The following RCVRN variants were observed in gnomAD, a reference collection of about 807,000 sequenced individuals.
The protein encoded by RCVRN is recoverin, also known as cancer associated retinopathy antigen.
In RCVRN, 23 loss-of-function variants were observed where a neutral mutation model predicts 20.4. That is an observed-to-expected ratio of 1.13 (90% CI 0.81 to 1.60). The LOEUF is 1.60. Among genes scored for constraint, RCVRN ranks in the 40% most tolerant of loss-of-function variants. The probability of loss-of-function intolerance (pLI) is 0.00; values close to 1 mark genes in which losing one functional copy is unlikely to be tolerated. For synonymous variants in RCVRN, 105 were observed against 105.9 expected (o/e 0.99, Z 0.05); for missense variants, 254 against 254.2 (o/e 1.00, Z 0.00).
rs200948567 is a variant in RCVRN at position 9,905,149 on chromosome 17, T to C, written c.32A>G (p.Lys11Arg). 4.3e-6 allele frequency: 7 copies of C among 1,610,858 alleles called. No homozygotes were observed. In the Admixed American group the frequency reaches 8.4e-5, roughly 19 times the overall value. ...CAGCTGCAGCTCCTCCAGGATCTCCTTGGACAGGGCCCCACTTTTGCTGTT... is the reference window on the plus strand; with the variant it reads ...CAGCTGCAGCTCCTCCAGGATCTCCCTGGACAGGGCCCCACTTTTGCTGTT... MGNSKSGALS[K>R]EILEELQLNT... The change falls in exon 1 of 3, where the codon AAG (lysine) becomes AGG (arginine). Residue 11 changes from lysine to arginine, a missense_variant. By Grantham distance (26) the Lys-to-Arg change is conservative. Transcript: ENST00000226193.
rs772751321 is a variant in RCVRN, at chr17:9,904,234, T to A, written c.381+566A>T. On this transcript the variant is annotated intron_variant, in intron 1 of 2. Coordinates refer to ENST00000226193, the MANE Select transcript of RCVRN (RefSeq NM_002903.3). The surrounding 1 kb of genome is among the most constrained non-coding windows in gnomAD (Gnocchi z 5.8). ...CCAGCTCTGGGCTACAGAGTGAGAC[T>A]CCATCTCAAAAAAATAAAAAATAAA... Among the ~76,000 whole-genome samples, 1 of 151,916 alleles carries A rather than the reference T, an allele frequency of 6.6e-6. No homozygotes were observed. Among genetic ancestry groups the A allele is most frequent in the Admixed American group, 6.6e-5 (1 of 15,262 alleles).
intron 1 of RCVRN, among the ~76,000 whole-genome samples, chr17:9,901,951 C>G (rs1256572585): frequency 2.0e-5 from 3 of 152,168 alleles, no homozygotes; most frequent in African/African-American, 7.2e-5. Context: ...AATAGCAGAG[C>G]CTTCTGCCAC....
intron 2 of RCVRN, among the ~76,000 whole-genome samples, chr17:9,900,473 T>TCCTTTCTTTCCTAACCTG (rs2067336765): frequency 6.6e-6 from 1 of 151,566 alleles, no homozygotes; most frequent in African/African-American, 2.4e-5. Context: ...TACCTAATCT[T>TCCTTTCTTTCCTAACCTG]CCTTTCTTTC....
At position 9,897,999 on chromosome 17, in the gene RCVRN, T is replaced by TGTGTGTGTGC. The variant is rs376748693; in HGVS notation, c.*95_*96insGCACACACAC. ...TGGGGTGGATGTGTGTGTGTGTGTG[T>TGTGTGTGTGC]GCGCGCGCGTGTGTGTGCATGTGTG... On this transcript the variant is annotated 3_prime_UTR_variant, in exon 3 of 3. Transcript: ENST00000226193. 0.03 allele frequency: 22,019 copies of TGTGTGTGTGC among 727,794 alleles called. 181 individuals carry two copies. The highest frequency in any genetic ancestry group is 0.052 in the Middle Eastern group (187 of 3,610). 45.1% of individuals were successfully genotyped at this position (727,794 alleles called of 1,614,324 possible).
At chr17:9,898,261 T>G in intron 2 of RCVRN, 57 bp from the exon 3 acceptor site, 2 of 1,010,258 alleles carry the variant, frequency 2.0e-6, no homozygotes, top group Non-Finnish European at 3.2e-6. Flanking sequence ...GATAGCCAAG[T>G]GAGCTGCGAT....
intron 2 of RCVRN, among the ~76,000 whole-genome samples, chr17:9,900,225 G>A (rs2067335247): frequency 6.6e-6 from 1 of 152,100 alleles, no homozygotes; most frequent in Non-Finnish European, 1.5e-5. Context: ...TGCAGCCCCA[G>A]CCTAATACCA....
At position 9,897,860 on chromosome 17, in the gene RCVRN, T is replaced by G; in HGVS notation, c.*235A>C. ...ACAGAGGGAGGGGTGGGACCGGGCA[T>G]GATGGGAGGGAATGCTGAAGACCCA... On this transcript the variant is annotated 3_prime_UTR_variant, in exon 3 of 3. Transcript: ENST00000226193. 2.0e-6 allele frequency: 1 copy of G among 503,466 alleles called. No individual in the cohort carries two copies. The allele number at this position is 503,466 out of a possible 1,614,324, so 31.2% of individuals were successfully genotyped here. A position where few individuals can be genotyped will look rare whatever the true frequency, so the allele number is the denominator to read the frequency against.
At chr17:9,901,276 C>T (rs1464624755) in intron 1 of RCVRN, 176 bp from the exon 2 acceptor site, 2 of 433,606 alleles carry the variant, frequency 4.6e-6, no homozygotes, top group Non-Finnish European at 8.2e-6. Context: ...AGCTTCTTGG[C>T]ACTGGTCTTG....
In RCVRN at chr17:9,904,947, G is replaced by A. The variant is rs937401965; in HGVS notation, c.234C>T (p.Asp78=). The change falls in exon 1 of 3, where the codon GAC becomes GAT. Residue 78 remains aspartate, a synonymous_variant. Transcript: ENST00000226193. The surrounding 1 kb of genome is among the most constrained non-coding windows in gnomAD (Gnocchi z 5.8). ...CGTACTCCTTGAAGTCCAGGGTGCC[G>A]TCGAGGTTGGAATCGAAGCTGCGGA... The part of the protein sequence containing the change: ...HVFRSFDSNL[D]GTLDFKEYVI... 7.4e-6 allele frequency: 12 copies of A among 1,614,226 alleles called. No homozygotes were observed. Among genetic ancestry groups the A allele is most frequent in the South Asian group, 3.3e-5 (3 of 91,080 alleles).
At position 9,899,486 on chromosome 17, in the gene RCVRN, T is replaced by C. The variant is rs547579214; in HGVS notation, c.494-1282A>G. 6.8e-4 allele frequency among the ~76,000 whole-genome samples: 104 copies of C among 152,300 alleles called. No individual in the cohort carries two copies. Among genetic ancestry groups the C allele is most frequent in the Non-Finnish European group, 1.3e-3 (90 of 68,024 alleles). ...TCTGACGTCATCCCCTCCCGGGATGTTCACCAGGGAGGTTTTCAGATGAGC... is the reference window on the plus strand; with the variant it reads ...TCTGACGTCATCCCCTCCCGGGATGCTCACCAGGGAGGTTTTCAGATGAGC... On this transcript the variant is annotated intron_variant, in intron 2 of 2. Transcript: ENST00000226193. The surrounding 1 kb of genome is among the most constrained non-coding windows in gnomAD (Gnocchi z 4.6).
At position 9,904,719 on chromosome 17, in the gene RCVRN, T is replaced by A; in HGVS notation, c.381+81A>T. The A allele has an allele frequency of 2.0e-6, 3 of 1,485,050 alleles. No homozygotes were observed. The Admixed American group carries it at 5.4e-5, about 27-fold the overall frequency. 92.0% of individuals were successfully genotyped at this position (1,485,050 alleles called of 1,614,324 possible). Reference sequence around the variant, plus strand: ...CCGCTCCACCCACAGATCCACTCCCTCTGCAGCAGCTGCAGCAGGGGACCC... The same window carrying A: ...CCGCTCCACCCACAGATCCACTCCCACTGCAGCAGCTGCAGCAGGGGACCC... On this transcript the variant is annotated intron_variant, in intron 1 of 2. Transcript: ENST00000226193. The surrounding 1 kb of genome is among the most constrained non-coding windows in gnomAD (Gnocchi z 5.8).
At chr17:9,898,901 C>G (rs9303246) in intron 2 of RCVRN, among the ~76,000 whole-genome samples, 6,812 of 152,200 alleles carry the variant, frequency 0.045, 517 homozygotes, top group African/African-American at 0.15. Flanking sequence ...CCTTGTTGCG[C>G]CCACACCTGG....
At chr17:9,898,652 A>C (rs59578273) in intron 2 of RCVRN, among the ~76,000 whole-genome samples, 74 of 152,328 alleles carry the variant, frequency 4.9e-4, no homozygotes, top group African/African-American at 1.8e-3. Context: ...TCAGGCCCAG[A>C]GTCTCAGCTG....
In RCVRN at chr17:9,904,838, C is replaced by A; in HGVS notation, c.343G>T (p.Gly115Trp). Residue 115 changes from glycine to tryptophan, a missense_variant, in exon 1 of 3, where the codon GGG becomes TGG. Physicochemically the swap from Gly to Trp is radical, Grantham distance 184 (BLOSUM62 -2). Coordinates refer to ENST00000226193, the MANE Select transcript of RCVRN (RefSeq NM_002903.3). This position sits in a 1 kb window ranked among gnomAD's most constrained non-coding sequence, Gnocchi z 5.8. ...AFSLYDVDGNGTISKNEVLEI... is the reference protein window; with the variant it reads ...AFSLYDVDGNWTISKNEVLEI... ...AGCACTTCATTCTTGCTGATGGTCC[C>A]GTTACCGTCCACGTCGTAGAGGGAG... 1 of 1,614,154 alleles carries A rather than the reference C, an allele frequency of 6.2e-7. No homozygotes were observed. The highest frequency in any genetic ancestry group is 8.5e-7 in the Non-Finnish European group (1 of 1,180,014).
intron 1 of RCVRN, among the ~76,000 whole-genome samples, chr17:9,902,055 T>C (rs2067343931): frequency 6.7e-6 from 1 of 149,314 alleles, no homozygotes. Flanking sequence ...CTCCCTCCCT[T>C]CCTTCTCTCC....
At position 9,898,209 on chromosome 17, in the gene RCVRN, G is replaced by A. The variant is rs201125570; in HGVS notation, c.494-5C>T. 2.5e-6 allele frequency: 4 copies of A among 1,581,350 alleles called. No individual in the cohort carries two copies. Among genetic ancestry groups the A allele is most frequent in the Non-Finnish European group, 3.5e-6 (4 of 1,150,432 alleles). On this transcript the variant is annotated splice_region_variant and splice_polypyrimidine_tract_variant and intron_variant, in intron 2 of 2. Coordinates refer to ENST00000226193, the MANE Select transcript of RCVRN (RefSeq NM_002903.3). ...ATTCTTTCTCTGTAAGTTTATCTGT[G>A]CATTGGGAAAAAATATATACGTACA...
At position 9,899,305 on chromosome 17, in the gene RCVRN, G is replaced by A. The variant is rs998000541; in HGVS notation, c.494-1101C>T. 6.6e-6 allele frequency among the ~76,000 whole-genome samples: 1 copy of A among 152,074 alleles called. No individual in the cohort carries two copies. Among genetic ancestry groups the A allele is most frequent in the Non-Finnish European group, 1.5e-5 (1 of 68,008 alleles). On this transcript the variant is annotated intron_variant, in intron 2 of 2. Coordinates refer to ENST00000226193, the MANE Select transcript of RCVRN (RefSeq NM_002903.3). The surrounding 1 kb of genome is among the most constrained non-coding windows in gnomAD (Gnocchi z 4.6). ...CGCAAGTCTGGGTGGTAAAATTTGG[G>A]TTTTAACATCCCAGCCACCCCACAG... is the stretch of plus-strand genomic sequence containing the variant.
chr17:9,903,428 C>A (rs8079799), intron 1 of RCVRN, among the ~76,000 whole-genome samples: 6 of 152,134 alleles, frequency 3.9e-5, no homozygotes, highest in Admixed American at 2.6e-4. Context: ...GGAGCCACGC[C>A]GCGCGTGGGA....
rs531731739 is a variant in RCVRN at position 9,901,401 on chromosome 17, T to C, written c.382-301A>G. Among the ~76,000 whole-genome samples, 6 of 112,164 alleles carry C rather than the reference T, an allele frequency of 5.3e-5. No homozygotes were observed. The South Asian group carries it at 1.4e-3, about 26-fold the overall frequency. 73.6% of individuals were successfully genotyped at this position (112,164 alleles called of 152,430 possible). ...ATGTCAGAGGAAACAATGAACAAAA[T>C]CAAAATGTAACTTATGGAATGGGAG... On this transcript the variant is annotated intron_variant, in intron 1 of 2. Transcript: ENST00000226193.
Sources: gnomAD v4.1 joint callset for allele counts (sites outside exome capture counted in the v4.1 genomes callset) on GRCh38, gnomAD v4.1.1 for gene constraint, Gnocchi (gnomAD v3.1) non-coding constraint, MANE v1.5 for transcripts, NCBI Gene and HGNC (gene_info 2026-07-23, HGNC 2026-07-21) for gene names.